The following SLC39A11 variants were observed in gnomAD, a reference collection of about 807,000 sequenced individuals.
SLC39A11 encodes the protein solute carrier family 39 member 11.
In SLC39A11, 33 loss-of-function variants were observed where a neutral mutation model predicts 36.1. That is an observed-to-expected ratio of 0.91 (90% CI 0.69 to 1.22). The LOEUF is 1.22. Ranked by LOEUF, SLC39A11 falls within the 50% of genes most tolerant of loss-of-function variation. The pLI is 0.00. For missense variants in SLC39A11, 432 were observed against 430.3 expected (o/e 1.00, Z -0.03); for synonymous variants, 166 against 170.3 (o/e 0.97, Z 0.20).
intron 3 of SLC39A11, among the ~76,000 whole-genome samples, chr17:73,055,556 C>T (rs34594369): frequency 0.25 from 37,315 of 151,464 alleles, 5,113 homozygotes; most frequent in Non-Finnish European, 0.3. Flanking sequence ...CTCACCCTCC[C>T]GATTAGCTAG....
At chr17:72,914,185 G>C (rs76474121) in intron 5 of SLC39A11, among the ~76,000 whole-genome samples, 1 of 151,452 alleles carries the variant, frequency 6.6e-6, no homozygotes, top group East Asian at 1.9e-4. Context: ...GCACGGTGGC[G>C]GGCACCTGTA....
At chr17:72,905,932 T>C (rs567954733) in intron 5 of SLC39A11, among the ~76,000 whole-genome samples, 1 of 152,144 alleles carries the variant, frequency 6.6e-6, no homozygotes, top group South Asian at 2.1e-4. Context: ...GTTTTGTATA[T>C]TTAGTAGAGA....
At chr17:73,086,647 C>A (rs1442501628) in intron 2 of SLC39A11, among the ~76,000 whole-genome samples, 1 of 152,076 alleles carries the variant, frequency 6.6e-6, no homozygotes, top group African/African-American at 2.4e-5. Flanking sequence ...TAGTGAAACC[C>A]CATCTCCACT....
chr17:72,655,655 G>A (rs1397689276), intron 7 of SLC39A11, among the ~76,000 whole-genome samples: 1 of 152,202 alleles, frequency 6.6e-6, no homozygotes, highest in East Asian at 1.9e-4. Context: ...GAGGACACCT[G>A]TGGCCACTAC....
chr17:73,051,170 C>T (rs370914072), intron 3 of SLC39A11, among the ~76,000 whole-genome samples: 98 of 152,256 alleles, frequency 6.4e-4, no homozygotes, highest in African/African-American at 2.2e-3. Flanking sequence ...CAGAAGCCCT[C>T]GGTGTTCCTT....
chr17:72,961,100 G>A (rs2086580927), intron 4 of SLC39A11, among the ~76,000 whole-genome samples: 1 of 152,210 alleles, frequency 6.6e-6, no homozygotes, highest in Non-Finnish European at 1.5e-5. Context: ...ACCAAACAGA[G>A]TGGACTGATG....
chr17:72,739,190 C>T (rs1029240946), intron 6 of SLC39A11, among the ~76,000 whole-genome samples: 2 of 150,694 alleles, frequency 1.3e-5, no homozygotes, highest in African/African-American at 2.4e-5. Flanking sequence ...TGCAGTGGTG[C>T]GATCTCGGCT....
chr17:72,921,750 TG>T (rs11349078), intron 5 of SLC39A11, among the ~76,000 whole-genome samples: 17,932 of 152,202 alleles, frequency 0.12, 1,493 homozygotes, highest in African/African-American at 0.24. Context: ...ATTTATTAAG[TG>T]CCTATTACCA....
chr17:72,986,535 C>T (rs117885070), intron 4 of SLC39A11, among the ~76,000 whole-genome samples: 3 of 152,358 alleles, frequency 2.0e-5, no homozygotes, highest in Non-Finnish European at 4.4e-5. Flanking sequence ...TACTGCCACA[C>T]TGCTGCACCC....
At chr17:72,892,409 C>G (rs1051070353) in intron 5 of SLC39A11, among the ~76,000 whole-genome samples, 1 of 65,664 alleles carries the variant, frequency 1.5e-5, no homozygotes, top group African/African-American at 5.6e-5. Context: ...GACTCCATCT[C>G]AAAAAAAAAA....
chr17:72,905,597 TAAA>T (rs570222840), intron 5 of SLC39A11, among the ~76,000 whole-genome samples: 1 of 143,296 alleles, frequency 7.0e-6, no homozygotes, highest in Non-Finnish European at 1.5e-5. Context: ...ACTCTGTCTC[TAAA>T]AAAAAAAAGA....
chr17:72,844,582 C>T (rs1341205835), intron 6 of SLC39A11, among the ~76,000 whole-genome samples: 1 of 152,126 alleles, frequency 6.6e-6, no homozygotes, highest in East Asian at 1.9e-4. Flanking sequence ...GGCAGGAGAA[C>T]CTCTTGAACC....
At position 72,929,649 on chromosome 17, in the gene SLC39A11, T is replaced by C. The variant is rs528126739; in HGVS notation, c.430+18103A>G. On this transcript the variant is annotated intron_variant, in intron 5 of 9. Coordinates refer to ENST00000255559, the MANE Select transcript of SLC39A11 (RefSeq NM_139177.4). ...TAAGATTAAGGGTGCAAATTTTTTT[T>C]CTTAAAGGGAGAAAAATAGGAATCA... 1.2e-4 allele frequency among the ~76,000 whole-genome samples: 19 copies of C among 152,298 alleles called. No homozygotes were observed. In the South Asian group the frequency reaches 3.7e-3, roughly 30 times the overall value.
At chr17:72,974,585 G>A (rs1342240337) in intron 4 of SLC39A11, among the ~76,000 whole-genome samples, 2 of 152,154 alleles carry the variant, frequency 1.3e-5, no homozygotes, top group African/African-American at 4.8e-5. Flanking sequence ...GAGTCAAAAC[G>A]TTTTTACAAG....
intron 3 of SLC39A11, among the ~76,000 whole-genome samples, chr17:73,034,577 G>A (rs922861909): frequency 6.6e-6 from 1 of 152,004 alleles, no homozygotes; most frequent in Admixed American, 6.5e-5. Context: ...CTCCCATACG[G>A]TCCCACCTTC....
At chr17:73,055,823 G>A (rs1348268357) in intron 3 of SLC39A11, among the ~76,000 whole-genome samples, 5 of 152,084 alleles carry the variant, frequency 3.3e-5, no homozygotes, top group African/African-American at 1.2e-4. Context: ...TTCAAATAAG[G>A]CAAAACACCA....
chr17:73,078,049 T>C (rs918292904), intron 3 of SLC39A11, among the ~76,000 whole-genome samples: 5 of 151,956 alleles, frequency 3.3e-5, no homozygotes, highest in African/African-American at 1.2e-4. Flanking sequence ...CCATCCTGGC[T>C]AACATGGTGA....
chr17:72,670,941 A>G (rs2070996237), intron 7 of SLC39A11, among the ~76,000 whole-genome samples: 1 of 152,200 alleles, frequency 6.6e-6, no homozygotes, highest in South Asian at 2.1e-4. Context: ...CTGGGGTATC[A>G]CTGTTCCATG....
At chr17:72,963,169 C>CT (rs5821936) in intron 4 of SLC39A11, among the ~76,000 whole-genome samples, 93,689 of 114,320 alleles carry the variant, frequency 0.82, 40,102 homozygotes, top group Middle Eastern at 0.94. Flanking sequence ...TTTTTCCTTT[C>CT]TTTTTTTTTT....
Sources: allele counts gnomAD v4.1 joint callset (sites outside exome capture counted in the v4.1 genomes callset), GRCh38; gene constraint gnomAD v4.1.1; transcripts MANE v1.5; gene names NCBI Gene and HGNC (gene_info 2026-07-23, HGNC 2026-07-21).